The following AGMO variants were observed in gnomAD, a reference collection of about 807,000 sequenced individuals.
AGMO encodes the protein glyceryl-ether monooxygenase.
Under a neutral mutation model 60.2 loss-of-function variants are expected in AGMO, and 75 were observed. The observed-to-expected ratio is 1.25, with a 90% CI of 1.03 to 1.51. AGMO has a LOEUF of 1.51. AGMO is among the 40% of genes most tolerant of loss of function. AGMO has a pLI of 0.00. For synonymous variants in AGMO, 261 were observed against 177.1 expected (o/e 1.47, Z -3.76); for missense variants, 763 against 525.5 (o/e 1.45, Z -4.42).
Position 15,379,667 on chromosome 7 carries a change from C to G in AGMO, c.1074+5779G>C, listed in dbSNP as rs1010600630. 3.3e-5 allele frequency among the ~76,000 whole-genome samples: 5 copies of G among 152,082 alleles called. No individual in the cohort carries two copies. The East Asian group carries it at 9.6e-4, about 29-fold the overall frequency. On this transcript the variant is annotated intron_variant, in intron 10 of 12. Transcript: ENST00000342526. The stretch of plus-strand genomic sequence containing the variant: ...AGACAGATTCACAGCTGAATTCTAC[C>G]AGAGGTACAAAGAAGAGCTGGTACC...
chr7:15,390,923 A>T lies in AGMO; in HGVS notation c.677-18T>A, dbSNP rs749531279. 1 of 1,530,166 alleles carries T rather than the reference A, an allele frequency of 6.5e-7. No homozygotes were observed. The highest frequency in any genetic ancestry group is 8.9e-7 in the Non-Finnish European group (1 of 1,123,974). The allele number at this position is 1,530,166 out of a possible 1,614,324, so 94.8% of individuals were successfully genotyped here. On this transcript the variant is annotated intron_variant, in intron 6 of 12. Transcript: ENST00000342526. The stretch of plus-strand genomic sequence containing the variant: ...ATTTCTGCCTATGAGACAAAATATT[A>T]GAAATTTTTTTTCAGAAAAATAGTT...
At chr7:15,171,733 G>C in the AGMO span, among the ~76,000 whole-genome samples, 2 of 152,034 alleles carry the variant, frequency 1.3e-5, no homozygotes. Flanking sequence ...TTTCTAACAA[G>C]TTTCTTATTA....
chr7:15,184,968 A>G, the AGMO span, among the ~76,000 whole-genome samples: 1 of 152,040 alleles, frequency 6.6e-6, no homozygotes, highest in Non-Finnish European at 1.5e-5. Flanking sequence ...AAGGAAGTAT[A>G]AGGGAGTCGT....
In AGMO at chr7:15,390,911, A is replaced by C. The variant is rs1245031303; in HGVS notation, c.677-6T>G. On this transcript the variant is annotated splice_polypyrimidine_tract_variant and splice_region_variant and intron_variant, in intron 6 of 12. Coordinates refer to ENST00000342526, the MANE Select transcript of AGMO (RefSeq NM_001004320.2). ...TATGCAATAACGATTTCTGCCTATG[A>C]GACAAAATATTAGAAATTTTTTTTC... 22 of 1,570,324 alleles carry C rather than the reference A, an allele frequency of 1.4e-5. No homozygotes were observed. The highest frequency in any genetic ancestry group is 1.9e-5 in the Non-Finnish European group (22 of 1,156,012).
intron 12 of AGMO, among the ~76,000 whole-genome samples, chr7:15,201,631 A>G (rs1279522922): frequency 6.6e-6 from 1 of 152,170 alleles, no homozygotes; most frequent in East Asian, 1.9e-4. Context: ...GAATGAGGCT[A>G]GACAAGTTAG....
intron 3 of AGMO, among the ~76,000 whole-genome samples, chr7:15,516,873 G>A (rs866151394): frequency 6.6e-6 from 1 of 152,028 alleles, no homozygotes; most frequent in African/African-American, 2.4e-5. Flanking sequence ...AGGATGGGAG[G>A]ATGAGGGGCA....
At chr7:15,254,054 T>C (rs913281124) in intron 12 of AGMO, among the ~76,000 whole-genome samples, 8 of 152,188 alleles carry the variant, frequency 5.3e-5, no homozygotes, top group African/African-American at 7.2e-5. Flanking sequence ...AATTTTATCA[T>C]TTTTATAACT....
intron 12 of AGMO, among the ~76,000 whole-genome samples, chr7:15,299,001 T>C (rs1784481126): frequency 6.6e-6 from 1 of 152,136 alleles, no homozygotes; most frequent in Non-Finnish European, 1.5e-5. Flanking sequence ...CTCCCTACTT[T>C]GTGATTTCTA....
chr7:15,319,050 T>C (rs918377359), intron 12 of AGMO, among the ~76,000 whole-genome samples: 1 of 152,180 alleles, frequency 6.6e-6, no homozygotes, highest in African/African-American at 2.4e-5. Context: ...CATCGGTTTC[T>C]TTTTTCCTCC....
the AGMO span, among the ~76,000 whole-genome samples, chr7:15,146,573 T>A: frequency 1.3e-5 from 2 of 152,166 alleles, no homozygotes; most frequent in African/African-American, 4.8e-5. Flanking sequence ...AGTAATTATG[T>A]ATGTTAGTTG....
intron 2 of AGMO, among the ~76,000 whole-genome samples, chr7:15,558,815 G>T (rs1284724738): frequency 1.3e-5 from 2 of 151,628 alleles, no homozygotes; most frequent in South Asian, 4.2e-4. Context: ...ACCTTTTTTA[G>T]ATATTTAAAG....
At chr7:15,388,231 T>C (rs549375633) in intron 8 of AGMO, among the ~76,000 whole-genome samples, 4 of 152,156 alleles carry the variant, frequency 2.6e-5, no homozygotes, top group Non-Finnish European at 5.9e-5. Context: ...TCAGAAATAA[T>C]TTAGAACCAT....
chr7:15,214,136 T>A (rs180814790), intron 12 of AGMO, among the ~76,000 whole-genome samples: 1 of 152,080 alleles, frequency 6.6e-6, no homozygotes, highest in Admixed American at 6.6e-5. Flanking sequence ...ATTACTAGAA[T>A]TTCTAAAAAT....
intron 10 of AGMO, among the ~76,000 whole-genome samples, chr7:15,380,541 G>A (rs1315374963): frequency 6.6e-6 from 1 of 152,110 alleles, no homozygotes; most frequent in Non-Finnish European, 1.5e-5. Context: ...GCCATTCCAT[G>A]TTCATGGATA....
At chr7:15,226,051 C>T (rs1201185707) in intron 12 of AGMO, among the ~76,000 whole-genome samples, 1 of 151,910 alleles carries the variant, frequency 6.6e-6, no homozygotes, top group Non-Finnish European at 1.5e-5. Context: ...TAAATGTGGC[C>T]AAAGTTTATC....
At chr7:15,486,423 A>G (rs968338162) in intron 3 of AGMO, among the ~76,000 whole-genome samples, 1 of 152,210 alleles carries the variant, frequency 6.6e-6, no homozygotes, top group Non-Finnish European at 1.5e-5. Context: ...TCTGGTAAAC[A>G]CGAACACATG....
chr7:15,312,653 GT>G (rs1489871672), intron 12 of AGMO, among the ~76,000 whole-genome samples: 2 of 152,016 alleles, frequency 1.3e-5, no homozygotes, highest in African/African-American at 4.8e-5. Flanking sequence ...AAACTGAAGA[GT>G]TTACTGCTAT....
At chr7:15,425,740 C>A (rs1216623520) in intron 4 of AGMO, among the ~76,000 whole-genome samples, 2 of 152,034 alleles carry the variant, frequency 1.3e-5, no homozygotes, top group Non-Finnish European at 2.9e-5. Flanking sequence ...ACACCCAGCC[C>A]AATTGTATTT....
intron 4 of AGMO, among the ~76,000 whole-genome samples, chr7:15,424,800 G>C (rs1474031362): frequency 6.6e-6 from 1 of 152,142 alleles, no homozygotes; most frequent in Non-Finnish European, 1.5e-5. Context: ...GGGGCTTAAT[G>C]CATGCTTTCC....
Sources: gnomAD v4.1 joint callset for allele counts (sites outside exome capture counted in the v4.1 genomes callset) on GRCh38, gnomAD v4.1.1 for gene constraint, MANE v1.5 for transcripts, NCBI Gene and HGNC (gene_info 2026-07-23, HGNC 2026-07-21) for gene names.